The following LRRC63 variants were observed in gnomAD, a reference collection of about 807,000 sequenced individuals.
LRRC63 encodes the protein leucine rich repeat containing 63.
Under a neutral mutation model 49.5 loss-of-function variants are expected in LRRC63, and 40 were observed. That is an observed-to-expected ratio of 0.81 (90% CI 0.63 to 1.05). LRRC63 has a LOEUF of 1.05. LRRC63 is among the 50% of genes least tolerant of loss of function. The pLI is 0.00. For missense variants in LRRC63, 636 were observed against 663.1 expected (o/e 0.96, Z 0.45); for synonymous variants, 191 against 221.1 (o/e 0.86, Z 1.21).
exon 6 of LRRC63, chr13:46,246,605 C>T (rs1331793931): frequency 1.4e-6 from 2 of 1,446,784 alleles, no homozygotes; most frequent in South Asian, 1.5e-5. Context: ...ATTTAATGAT[C>T]TTCATTACTT....
intron 5 of LRRC63, among the ~76,000 whole-genome samples, chr13:46,235,629 G>T (rs141526420): frequency 6.6e-6 from 1 of 152,198 alleles, no homozygotes; most frequent in South Asian, 2.1e-4. Context: ...AAAAAAAAAT[G>T]CTTGTTCACA....
In LRRC63 at chr13:46,212,995, A is replaced by C. The variant is rs189872438; in HGVS notation, c.-33-7A>C. On this transcript the variant is annotated splice_polypyrimidine_tract_variant and splice_region_variant and intron_variant, in intron 1 of 9. Coordinates refer to ENST00000595396, the Ensembl canonical transcript of LRRC63. Reference sequence around the variant, plus strand: ...TCAAAACCTTTTCAATTCTCATTTAAACCAAGGATTATGAAAAACAGCACT... The same window carrying C: ...TCAAAACCTTTTCAATTCTCATTTACACCAAGGATTATGAAAAACAGCACT... The C allele has an allele frequency of 5.8e-4, 776 of 1,337,688 alleles. No homozygotes were observed. Among genetic ancestry groups the C allele is most frequent in the African/African-American group, 4.2e-3 (287 of 67,630 alleles). 82.9% of individuals were successfully genotyped at this position (1,337,688 alleles called of 1,614,324 possible).
chr13:46,238,063 A>G (rs2046953483), intron 5 of LRRC63, among the ~76,000 whole-genome samples: 1 of 152,202 alleles, frequency 6.6e-6, no homozygotes, highest in South Asian at 2.1e-4. Flanking sequence ...AAAGAAAGGC[A>G]TTACATAATG....
chr13:46,267,633 C>A (rs575403957), intron 9 of LRRC63, among the ~76,000 whole-genome samples: 1 of 152,192 alleles, frequency 6.6e-6, no homozygotes, highest in East Asian at 1.9e-4. Context: ...GGCAGAAAAC[C>A]TAAACAGCCT....
chr13:46,268,267 A>T (rs1018371108), intron 9 of LRRC63, among the ~76,000 whole-genome samples: 4 of 152,204 alleles, frequency 2.6e-5, no homozygotes, highest in African/African-American at 9.6e-5. Context: ...CTGAAGAGAG[A>T]TCTGAAAAAA....
chr13:46,232,062 G>T (rs549379375), intron 4 of LRRC63, among the ~76,000 whole-genome samples: 26 of 144,082 alleles, frequency 1.8e-4, no homozygotes, highest in Non-Finnish European at 3.4e-4. Flanking sequence ...TGATCCGCCG[G>T]CCTCGGCCTC....
intron 9 of LRRC63, among the ~76,000 whole-genome samples, chr13:46,273,889 G>A (rs2047794707): frequency 6.7e-6 from 1 of 148,944 alleles, no homozygotes; most frequent in South Asian, 2.1e-4. Flanking sequence ...TCCAGCCTGG[G>A]TGACAGAGCA....
intron 6 of LRRC63, among the ~76,000 whole-genome samples, chr13:46,248,376 C>T (rs927359460): frequency 2.0e-5 from 3 of 151,868 alleles, no homozygotes; most frequent in Admixed American, 6.6e-5. Flanking sequence ...TTCAATGATA[C>T]GCTGTCTGCA....
intron 5 of LRRC63, among the ~76,000 whole-genome samples, chr13:46,242,447 G>A (rs936838426): frequency 2.0e-5 from 3 of 152,012 alleles, no homozygotes; most frequent in Non-Finnish European, 4.4e-5. Context: ...AAACCTGCAT[G>A]TGTATCCCTG....
intron 5 of LRRC63, among the ~76,000 whole-genome samples, chr13:46,242,646 G>A (rs896512632): frequency 3.3e-5 from 5 of 151,532 alleles, no homozygotes; most frequent in African/African-American, 1.2e-4. Flanking sequence ...AAATCAAAGA[G>A]AAAGAATATT....
At chr13:46,249,132 A>G (rs943300151) in intron 6 of LRRC63, among the ~76,000 whole-genome samples, 2 of 151,872 alleles carry the variant, frequency 1.3e-5, no homozygotes, top group African/African-American at 2.4e-5. Context: ...TCTGAGATGC[A>G]TTACAGAGTA....
chr13:46,217,994 A>C (rs1379905647), intron 2 of LRRC63, among the ~76,000 whole-genome samples: 1 of 152,024 alleles, frequency 6.6e-6, no homozygotes, highest in Admixed American at 6.5e-5. Context: ...GTTATTTTGC[A>C]TTTTCTGAGG....
In LRRC63 at chr13:46,227,988, A is replaced by T. The variant is rs747306147; in HGVS notation, c.562A>T (p.Thr188Ser). The change falls in exon 3 of 10, where the codon ACT becomes TCT. Residue 188 changes from threonine (T) to serine (S), a missense_variant. Physicochemically the swap from Thr to Ser is moderately conservative, Grantham distance 58 (BLOSUM62 1). Coordinates refer to ENST00000595396, the Ensembl canonical transcript of LRRC63. ...ACCTTTACCAGAGAGTCCAGGCTAT[A>T]CTTATCAGCACATCTCGAGAGACTT... 45 of 1,551,062 alleles carry T rather than the reference A, an allele frequency of 2.9e-5. No individual in the cohort carries two copies. In the Middle Eastern group the frequency reaches 8.3e-4, roughly 29 times the overall value.
chr13:46,238,312 T>G (rs971964085), intron 5 of LRRC63, among the ~76,000 whole-genome samples: 6 of 152,302 alleles, frequency 3.9e-5, no homozygotes, highest in East Asian at 3.9e-4. Context: ...TACAGAACTC[T>G]ACCCCTAAAA....
At chr13:46,260,902 C>T (rs186805610) in intron 7 of LRRC63, among the ~76,000 whole-genome samples, 1 of 152,282 alleles carries the variant, frequency 6.6e-6, no homozygotes, top group African/African-American at 2.4e-5. Flanking sequence ...AAAAATTCTG[C>T]TCATGATGCC....
intron 9 of LRRC63, among the ~76,000 whole-genome samples, chr13:46,268,825 A>G (rs1004077191): frequency 6.7e-6 from 1 of 148,690 alleles, no homozygotes; most frequent in African/African-American, 2.6e-5. Flanking sequence ...CATGATCTCT[A>G]TGAAATAACA....
intron 7 of LRRC63, among the ~76,000 whole-genome samples, chr13:46,257,391 T>G (rs961512751): frequency 6.7e-6 from 1 of 148,162 alleles, no homozygotes; most frequent in East Asian, 1.9e-4. Flanking sequence ...AATTAATAAA[T>G]CTGAGTTGTT....
At chr13:46,220,676 T>C (rs1218405419) in intron 2 of LRRC63, among the ~76,000 whole-genome samples, 4 of 149,420 alleles carry the variant, frequency 2.7e-5, no homozygotes, top group Non-Finnish European at 4.4e-5. Flanking sequence ...CTCCAGCAGC[T>C]AGCTCGATGT....
chr13:46,226,090 C>A (rs1358311013), intron 2 of LRRC63, among the ~76,000 whole-genome samples: 1 of 151,924 alleles, frequency 6.6e-6, no homozygotes, highest in Non-Finnish European at 1.5e-5. Flanking sequence ...CTCATGGTAC[C>A]CTCCCACCTC....
Sources: gnomAD v4.1 joint callset for allele counts (sites outside exome capture counted in the v4.1 genomes callset) on GRCh38, gnomAD v4.1.1 for gene constraint, MANE v1.5 for transcripts, NCBI Gene and HGNC (gene_info 2026-07-23, HGNC 2026-07-21) for gene names.